Variants in UHMK1 observed in about 807,000 individuals in gnomAD.
UHMK1 encodes the protein serine/threonine-protein kinase Kist.
In UHMK1, 18 loss-of-function variants were observed where a neutral mutation model predicts 44.0. The observed-to-expected ratio is 0.41, with a 90% confidence interval of 0.28 to 0.61. The LOEUF (loss-of-function observed/expected upper bound fraction) is 0.61, where lower values mean the gene tolerates loss of function less well. Ranked by LOEUF, UHMK1 falls within the 20% of genes least tolerant of loss-of-function variation. The probability of loss-of-function intolerance (pLI) is 0.31; values close to 1 mark genes in which losing one functional copy is unlikely to be tolerated. For missense variants in UHMK1, 463 were observed against 522.5 expected (o/e 0.89, Z 1.11); for synonymous variants, 231 against 198.5 (o/e 1.16, Z -1.38).
intron 4 of UHMK1, among the ~76,000 whole-genome samples, chr1:162,511,189 C>CTTTTTTTTTTTT (rs142796500): frequency 5.9e-4 from 59 of 100,846 alleles, no homozygotes; most frequent in South Asian, 7.0e-4. Context: ...TTTTCTTTTT[C>CTTTTTTTTTTTT]TTTTTTTTTT....
Position 162,528,560 on chromosome 1 carries a change from G to A in UHMK1, c.*6010G>A, listed in dbSNP as rs1165014860. 1 of 152,088 alleles carries A rather than the reference G, an allele frequency of 6.6e-6. No individual in the cohort carries two copies. Among genetic ancestry groups the A allele is most frequent in the African/African-American group, 2.4e-5 (1 of 41,448 alleles). The allele number at this position is 152,088 out of a possible 1,614,324, so 9.4% of individuals were successfully genotyped here. On this transcript the variant is annotated 3_prime_UTR_variant, in exon 8 of 8. Coordinates refer to ENST00000489294, the MANE Select transcript of UHMK1 (RefSeq NM_175866.5). ...CAAATCAAGGATCAGAAAACTGGAG[G>A]TTAGCCATCTCCATTATTTCCTTTT...
intron 4 of UHMK1, among the ~76,000 whole-genome samples, chr1:162,505,221 A>T (rs1305044005): frequency 2.0e-5 from 3 of 152,222 alleles, no homozygotes; most frequent in Non-Finnish European, 4.4e-5. Flanking sequence ...ACACAGGGTC[A>T]GGATCATCAA....
chr1:162,498,320 ACT>A (rs1651140418), intron 1 of UHMK1, 52 bp downstream of exon 1: 1 of 1,507,862 alleles, frequency 6.6e-7, no homozygotes, highest in South Asian at 1.3e-5. Flanking sequence ...GTCCGAGCAC[ACT>A]CTTCCTCTCG....
chr1:162,515,823 A>G lies in UHMK1; in HGVS notation c.1025-2279A>G, dbSNP rs572257096. ...GCCGAGGCGGATGGATCACGAGGTC[A>G]GGAGATCGAGACCATCCTGGTTAAC... On this transcript the variant is annotated intron_variant, in intron 6 of 7. Transcript: ENST00000489294. Among the ~76,000 whole-genome samples, 5 of 151,936 alleles carry G rather than the reference A, an allele frequency of 3.3e-5. No individual in the cohort carries two copies. The East Asian group carries it at 9.7e-4, about 30-fold the overall frequency.
chr1:162,501,262 C>A (rs959340733), intron 3 of UHMK1, among the ~76,000 whole-genome samples, 158 bp downstream of exon 3: 1 of 152,106 alleles, frequency 6.6e-6, no homozygotes, highest in Non-Finnish European at 1.5e-5. Flanking sequence ...CTCCACCTTC[C>A]GGTTTCAACC....
In UHMK1 at chr1:162,500,909, T is replaced by TACA. The variant is rs1396879830; in HGVS notation, c.562-4_562-3insACA. On this transcript the variant is annotated splice_region_variant and splice_polypyrimidine_tract_variant and intron_variant, in intron 2 of 7. Transcript: ENST00000489294. ...TGGTTGTAATATTTACTCATCTTTT[T>TACA]TAGGATGTAAAGTATATTCAGACAG... The TACA allele has an allele frequency of 6.2e-7, 1 of 1,608,766 alleles. No individual in the cohort carries two copies. Among genetic ancestry groups the TACA allele is most frequent in the East Asian group, 2.2e-5 (1 of 44,796 alleles).
chr1:162,513,736 G>T (rs1651745331), intron 6 of UHMK1, among the ~76,000 whole-genome samples: 1 of 152,164 alleles, frequency 6.6e-6, no homozygotes, highest in Non-Finnish European at 1.5e-5. Context: ...TAAGATATTT[G>T]TTGGGGAGCA....
rs1298126694 is a variant in UHMK1 at position 162,523,706 on chromosome 1, C to A, written c.*1156C>A. The A allele has an allele frequency of 6.6e-6, 1 of 152,092 alleles. No individual in the cohort carries two copies. The highest frequency in any genetic ancestry group is 2.4e-5 in the African/African-American group (1 of 41,420). The allele number at this position is 152,092 out of a possible 1,614,324, so 9.4% of individuals were successfully genotyped here. A position where few individuals can be genotyped will look rare whatever the true frequency, so the allele number is the denominator to read the frequency against. ...TTTTCTTCCTTTCTGTTTCTCGTATCCCTGCTCCCTTTTTCCTCCCCTTCC... is the reference window on the plus strand; with the variant it reads ...TTTTCTTCCTTTCTGTTTCTCGTATACCTGCTCCCTTTTTCCTCCCCTTCC... On this transcript the variant is annotated 3_prime_UTR_variant, in exon 8 of 8. Transcript: ENST00000489294.
chr1:162,497,792 A>G, upstream of UHMK1: 8 of 1,297,930 alleles, frequency 6.2e-6, no homozygotes, highest in Non-Finnish European at 7.9e-6. Context: ...CCTGTATGAT[A>G]GGCTCTTCCT....
intron 6 of UHMK1, among the ~76,000 whole-genome samples, chr1:162,516,891 A>T (rs1412783712): frequency 6.6e-6 from 1 of 152,254 alleles, no homozygotes; most frequent in Non-Finnish European, 1.5e-5. Flanking sequence ...ACATTTTTGT[A>T]CATTACTAGA....
intron 6 of UHMK1, among the ~76,000 whole-genome samples, chr1:162,515,166 G>C (rs552697320): frequency 2.6e-5 from 4 of 151,976 alleles, no homozygotes. Context: ...CAAACAGAAA[G>C]CTTTATTTTA....
rs1372333154 is a variant in UHMK1, at chr1:162,527,325, A to T, written c.*4775A>T. On this transcript the variant is annotated 3_prime_UTR_variant, in exon 8 of 8. Transcript: ENST00000489294. ...TTGACAAGTGCCATGGATATTTAAG[A>T]AGAAGGTAAATAATTTTAATATTTT... The T allele has an allele frequency of 2.0e-5, 3 of 152,070 alleles. No homozygotes were observed. Among genetic ancestry groups the T allele is most frequent in the Admixed American group, 1.3e-4 (2 of 15,270 alleles). 9.4% of individuals were successfully genotyped at this position (152,070 alleles called of 1,614,324 possible).
chr1:162,507,687 C>T (rs1651526233), intron 4 of UHMK1, among the ~76,000 whole-genome samples: 1 of 150,442 alleles, frequency 6.6e-6, no homozygotes, highest in East Asian at 2.0e-4. Context: ...CCCGGGTTCA[C>T]GCCATTCTCC....
At chr1:162,514,807 A>G (rs939747726) in intron 6 of UHMK1, among the ~76,000 whole-genome samples, 1 of 152,236 alleles carries the variant, frequency 6.6e-6, no homozygotes, top group Admixed American at 6.5e-5. Context: ...CATTTTGGAC[A>G]AGAGGAATAC....
intron 6 of UHMK1, among the ~76,000 whole-genome samples, chr1:162,514,793 G>T (rs1371481023): frequency 1.3e-5 from 2 of 152,194 alleles, no homozygotes; most frequent in Non-Finnish European, 2.9e-5. Flanking sequence ...AGACCTTGGG[G>T]ATTCATTTTG....
At chr1:162,512,701 C>G in intron 5 of UHMK1, 24 bp from the exon 6 acceptor site, 9 of 1,612,344 alleles carry the variant, frequency 5.6e-6, no homozygotes, top group Non-Finnish European at 6.8e-6. Context: ...TTACATTTAA[C>G]CATATTATGA....
At chr1:162,505,790 A>G (rs1296271308) in intron 4 of UHMK1, among the ~76,000 whole-genome samples, 1 of 152,206 alleles carries the variant, frequency 6.6e-6, no homozygotes, top group Non-Finnish European at 1.5e-5. Context: ...GAGTTAGAGT[A>G]GTATAGTTTC....
In UHMK1 at chr1:162,525,857, T is replaced by G. The variant is rs1158611059; in HGVS notation, c.*3307T>G. ...TGTTTTTATTGAGAGAAATATTGCCTTCTTTTTGGTACTCCAGCTGCTAAA... is the reference window on the plus strand; with the variant it reads ...TGTTTTTATTGAGAGAAATATTGCCGTCTTTTTGGTACTCCAGCTGCTAAA... On this transcript the variant is annotated 3_prime_UTR_variant, in exon 8 of 8. Coordinates refer to ENST00000489294, the MANE Select transcript of UHMK1 (RefSeq NM_175866.5). 6.6e-6 allele frequency: 1 copy of G among 152,216 alleles called. No individual in the cohort carries two copies. The highest frequency in any genetic ancestry group is 1.5e-5 in the Non-Finnish European group (1 of 68,032). 9.4% of individuals were successfully genotyped at this position (152,216 alleles called of 1,614,324 possible).
intron 3 of UHMK1, among the ~76,000 whole-genome samples, chr1:162,501,467 C>T (rs1651265982): frequency 6.6e-6 from 1 of 152,166 alleles, no homozygotes; most frequent in South Asian, 2.1e-4. Flanking sequence ...CGCACCTGGC[C>T]AATTTATGAT....
Sources: gnomAD v4.1 joint callset for allele counts (sites outside exome capture counted in the v4.1 genomes callset) on GRCh38, gnomAD v4.1.1 for gene constraint, MANE v1.5 for transcripts, NCBI Gene and HGNC (gene_info 2026-07-23, HGNC 2026-07-21) for gene names.